Variants in MCM6 observed in about 807,000 individuals in gnomAD.
The protein encoded by MCM6 is minichromosome maintenance complex component 6, also known as DNA replication licensing factor MCM6.
A neutral mutation model predicts 94.3 loss-of-function variants in MCM6; 46 were observed. The observed-to-expected ratio is 0.49, with a 90% CI of 0.39 to 0.62. The LOEUF is 0.62. MCM6 is among the 20% of genes least tolerant of loss of function. The pLI is 0.00. For missense variants in MCM6, 865 were observed against 1,017.9 expected (o/e 0.85, Z 2.04); for synonymous variants, 335 against 351.9 (o/e 0.95, Z 0.54).
At chr2:135,863,432 G>T (rs1468390511) in intron 7 of MCM6, among the ~76,000 whole-genome samples, 1 of 152,192 alleles carries the variant, frequency 6.6e-6, no homozygotes, top group Admixed American at 6.5e-5. Flanking sequence ...ATTAGGCTGG[G>T]TGTGGTGGCT....
At chr2:135,848,264 G>T in intron 13 of MCM6, 76 bp from the exon 14 acceptor site, 2 of 1,111,192 alleles carry the variant, frequency 1.8e-6, no homozygotes, top group Non-Finnish European at 2.6e-6. Flanking sequence ...TGAAATCACA[G>T]TAGTATGTAT....
intron 16 of MCM6, among the ~76,000 whole-genome samples, chr2:135,841,253 T>G (rs1048688910): frequency 1.1e-4 from 17 of 152,228 alleles, no homozygotes; most frequent in African/African-American, 3.9e-4. Flanking sequence ...ATGCTTGAAT[T>G]TTAAGGTTAA....
chr2:135,852,997 C>A, intron 11 of MCM6, 82 bp from the exon 12 acceptor site: 2 of 1,290,158 alleles, frequency 1.6e-6, no homozygotes, highest in Middle Eastern at 2.0e-4. Context: ...AATGATTTAT[C>A]GCCAAAAACA....
intron 4 of MCM6, among the ~76,000 whole-genome samples, chr2:135,868,225 C>G (rs1483238630): frequency 6.6e-6 from 1 of 152,182 alleles, no homozygotes; most frequent in African/African-American, 2.4e-5. Context: ...TGATAATCCT[C>G]ATTGCTTCCA....
rs1371700611 is a variant in MCM6, at chr2:135,840,538, A to C, written c.*297T>G. 7.4e-6 allele frequency: 2 copies of C among 269,482 alleles called. No individual in the cohort carries two copies. The highest frequency in any genetic ancestry group is 1.5e-4 in the East Asian group (2 of 13,112). The allele number at this position is 269,482 out of a possible 1,614,324, so 16.7% of individuals were successfully genotyped here. ...ATAGGACAGCACATACCTTAAAAGT[A>C]ATGGGCCTTTTCTTACACATGAAAA... On this transcript the variant is annotated 3_prime_UTR_variant, in exon 17 of 17. Transcript: ENST00000264156.
At chr2:135,845,867 AC>A (rs1679661559) in intron 15 of MCM6, among the ~76,000 whole-genome samples, 1 of 152,228 alleles carries the variant, frequency 6.6e-6, no homozygotes, top group South Asian at 2.1e-4. Context: ...TCAATTAATT[AC>A]TGTTAAAATA....
At chr2:135,857,761 C>T in intron 10 of MCM6, 136 bp downstream of exon 10, 1 of 637,632 alleles carries the variant, frequency 1.6e-6, no homozygotes, top group Non-Finnish European at 2.7e-6. Flanking sequence ...AAATAATTCT[C>T]AGGGCTGTAT....
At position 135,846,303 on chromosome 2, in the gene MCM6, G is replaced by A; in HGVS notation, c.2143C>T (p.Leu715=). The stretch of plus-strand genomic sequence containing the variant: ...ATTCGGCAGTACTCAGAGAAGCCCA[G>A]CCTTAAGGAGGCTTTGGGAGCAGAC... The part of the protein sequence containing the change: ...QESAPKASLR[L]GFSEYCRISN... The change falls in exon 15 of 17, where the codon CTG becomes TTG. Residue 715 remains leucine (L), a synonymous_variant. Coordinates refer to ENST00000264156, the MANE Select transcript of MCM6 (RefSeq NM_005915.6). The A allele has an allele frequency of 6.2e-7, 1 of 1,614,114 alleles. No individual in the cohort carries two copies. The highest frequency in any genetic ancestry group is 8.5e-7 in the Non-Finnish European group (1 of 1,179,996).
At chr2:135,864,925 G>T in intron 7 of MCM6, 88 bp downstream of exon 7, 1 of 1,084,890 alleles carries the variant, frequency 9.2e-7, no homozygotes, top group Non-Finnish European at 1.2e-6. Context: ...TTCACAGTCT[G>T]ATTTATGTGC....
chr2:135,871,782 G>A (rs1242482694), intron 2 of MCM6, among the ~76,000 whole-genome samples: 1 of 152,206 alleles, frequency 6.6e-6, no homozygotes, highest in African/African-American at 2.4e-5. Flanking sequence ...AAATGTGACA[G>A]AAGATCCTTA....
At position 135,848,200 on chromosome 2, in the gene MCM6, A is replaced by G. The variant is rs1000208032; in HGVS notation, c.1918-12T>C. On this transcript the variant is annotated splice_polypyrimidine_tract_variant and intron_variant, in intron 13 of 16. Coordinates refer to ENST00000264156, the MANE Select transcript of MCM6 (RefSeq NM_005915.6). ...TGTTTAGGTTGGACCTAAACCAATA[A>G]TGATGAAGTAATTAAGCTACTTTTT... The G allele has an allele frequency of 2.5e-6, 4 of 1,588,514 alleles. No individual in the cohort carries two copies. Among genetic ancestry groups the G allele is most frequent in the Middle Eastern group, 1.7e-4 (1 of 5,988 alleles).
chr2:135,856,105 A>G (rs1026050627), intron 11 of MCM6, among the ~76,000 whole-genome samples: 1 of 151,860 alleles, frequency 6.6e-6, no homozygotes, highest in Admixed American at 6.6e-5. Context: ...AAATAAAATA[A>G]AAGCCCAATC....
rs771924466 is a variant in MCM6 at position 135,872,700 on chromosome 2, T to G, written c.251A>C (p.Tyr84Ser). 1 of 1,614,040 alleles carries G rather than the reference T, an allele frequency of 6.2e-7. No individual in the cohort carries two copies. The highest frequency in any genetic ancestry group is 2.2e-5 in the East Asian group (1 of 44,900). The change falls in exon 2 of 17, where the codon TAT becomes TCT. Residue 84 changes from tyrosine to serine, a missense_variant. Around this residue, in one of 3 missense-constraint regions of MCM6, gnomAD observed 404 missense variants for 451.9 expected, o/e 0.89. Coordinates refer to ENST00000264156, the MANE Select transcript of MCM6 (RefSeq NM_005915.6). ...QLSTTIQEEF[Y>S]RVYPYLCRAL... ...AAGAAGATTAATATGCCCATACCTA[T>G]AGAACTCCTCTTGAATGGTGGTGGA... is the stretch of plus-strand genomic sequence containing the variant.
chr2:135,866,324 C>G, intron 5 of MCM6, 47 bp from the exon 6 acceptor site: 1 of 1,601,114 alleles, frequency 6.2e-7, no homozygotes, highest in Non-Finnish European at 8.5e-7. Flanking sequence ...ATTAAAGGTG[C>G]TGAACATCAA....
intron 1 of MCM6, among the ~76,000 whole-genome samples, chr2:135,873,065 T>C (rs1379823108): frequency 6.6e-6 from 1 of 152,102 alleles, no homozygotes; most frequent in Non-Finnish European, 1.5e-5. Context: ...AGGCACCTGG[T>C]GGGAGTTAAT....
At chr2:135,852,134 A>C (rs1679788427) in intron 12 of MCM6, among the ~76,000 whole-genome samples, 1 of 152,188 alleles carries the variant, frequency 6.6e-6, no homozygotes, top group African/African-American at 2.4e-5. Context: ...TAAATGATTA[A>C]ATTTCTTTGG....
Position 135,876,346 on chromosome 2 carries a change from G to A in MCM6, c.20C>T (p.Ala7Val). 2 of 1,607,742 alleles carry A rather than the reference G, an allele frequency of 1.2e-6. No individual in the cohort carries two copies. The highest frequency in any genetic ancestry group is 2.2e-5 in the East Asian group (1 of 44,546). Residue 7 changes from alanine (A) to valine (V), a missense_variant, in exon 1 of 17, where the codon GCG (alanine) becomes GTG (valine). Ala to Val is a moderately conservative substitution (Grantham distance 64). Transcript: ENST00000264156. MDLAAA[A>V]EPGAGSQHLE... ...GTGCTGGCTGCCGGCGCCCGGCTCCGCTGCCGCCGCGAGGTCCATATTTGC... is the reference window on the plus strand; with the variant it reads ...GTGCTGGCTGCCGGCGCCCGGCTCCACTGCCGCCGCGAGGTCCATATTTGC...
intron 11 of MCM6, 23 bp from the exon 12 acceptor site, chr2:135,852,938 C>G: frequency 6.4e-7 from 1 of 1,573,520 alleles, no homozygotes. Flanking sequence ...AAAAAAATCA[C>G]TTTGATAGTC....
chr2:135,866,213 T>C lies in MCM6; in HGVS notation c.846A>G (p.Arg282=). 2 of 1,614,186 alleles carry C rather than the reference T, an allele frequency of 1.2e-6. No individual in the cohort carries two copies. The highest frequency in any genetic ancestry group is 1.7e-6 in the Non-Finnish European group (2 of 1,180,028). Reference sequence around the variant, plus strand: ...CCCTAACACCAAGGGCCCGGAGTCCTCGAATGCCTTCTGTCTCATATCCAT... The same window carrying C: ...CCCTAACACCAAGGGCCCGGAGTCCCCGAATGCCTTCTGTCTCATATCCAT... The part of the protein sequence containing the change: ...GVDGYETEGI[R]GLRALGVRDL... The change falls in exon 6 of 17, where the codon CGA becomes CGG. Residue 282 remains arginine, a synonymous_variant. Coordinates refer to ENST00000264156, the MANE Select transcript of MCM6 (RefSeq NM_005915.6).
Sources: allele counts gnomAD v4.1 joint callset (sites outside exome capture counted in the v4.1 genomes callset), GRCh38; gene constraint gnomAD v4.1.1; regional missense constraint gnomAD v4.1.1; transcripts MANE v1.5; gene names NCBI Gene and HGNC (gene_info 2026-07-23, HGNC 2026-07-21).